The following ZNF638 variants were observed in gnomAD, a reference collection of about 807,000 sequenced individuals.
The protein encoded by ZNF638 is CTCL tumor antigen se33-1.
A neutral mutation model predicts 195.6 loss-of-function variants in ZNF638; 46 were observed. That is an observed-to-expected ratio of 0.24 (90% confidence interval 0.19 to 0.30). The LOEUF (loss-of-function observed/expected upper bound fraction) is 0.30. Ranked by LOEUF, ZNF638 falls within the 10% of genes least tolerant of loss-of-function variation. The pLI, the probability that ZNF638 is intolerant of heterozygous loss-of-function variation, is 1.00. For synonymous variants in ZNF638, 845 were observed against 772.0 expected (o/e 1.09, Z -1.57); for missense variants, 2,440 against 2,325.3 (o/e 1.05, Z -1.01).
rs2079281630 is a variant in ZNF638, at chr2:71,370,089, T to G, written c.2265+84T>G. Reference sequence around the variant, plus strand: ...TTTAAGTATGGCACACATATAGAAATAGGCATAGAAACATAAATGTTAGCT... The same window carrying G: ...TTTAAGTATGGCACACATATAGAAAGAGGCATAGAAACATAAATGTTAGCT... On this transcript the variant is annotated intron_variant, in intron 8 of 27. Coordinates refer to ENST00000264447, the MANE Select transcript of ZNF638 (RefSeq NM_014497.5). 5.6e-6 allele frequency: 8 copies of G among 1,417,274 alleles called. No individual in the cohort carries two copies. In the African/African-American group the frequency reaches 1.2e-4, roughly 21 times the overall value. The allele number at this position is 1,417,274 out of a possible 1,614,324, so 87.8% of individuals were successfully genotyped here.
intron 3 of ZNF638, among the ~76,000 whole-genome samples, chr2:71,359,132 C>T (rs749860777): frequency 3.3e-5 from 5 of 151,948 alleles, no homozygotes; most frequent in East Asian, 3.9e-4. Flanking sequence ...GCCTATGTAT[C>T]GATATATGAC....
chr2:71,408,347 G>T, intron 20 of ZNF638, 100 bp downstream of exon 20: 2 of 1,355,122 alleles, frequency 1.5e-6, no homozygotes, highest in Non-Finnish European at 2.0e-6. Context: ...GTTTAGAGAT[G>T]ATTTTTATAA....
At chr2:71,390,917 C>T (rs1037539574) in intron 10 of ZNF638, among the ~76,000 whole-genome samples, 1 of 152,132 alleles carries the variant, frequency 6.6e-6, no homozygotes, top group Non-Finnish European at 1.5e-5. Flanking sequence ...CCTTTGGGGA[C>T]GGGACCGATT....
Position 71,350,285 on chromosome 2 carries a change from A to G in ZNF638, c.1317+14A>G. On this transcript the variant is annotated intron_variant, in intron 2 of 27. Transcript: ENST00000264447. ...AGTCATTTGAAGGTGAGTGTTTTTA[A>G]AAAAAGATCACTGTATAATGATGCT... 6.3e-7 allele frequency: 1 copy of G among 1,594,234 alleles called. No homozygotes were observed. The highest frequency in any genetic ancestry group is 8.5e-7 in the Non-Finnish European group (1 of 1,176,430).
intron 19 of ZNF638, chr2:71,407,273 T>C (rs1324915309): frequency 6.6e-6 from 1 of 152,168 alleles, no homozygotes; most frequent in Non-Finnish European, 1.5e-5. Flanking sequence ...TGATAAATAG[T>C]GTGACATAGA....
Position 71,423,042 on chromosome 2 carries a change from A to G in ZNF638, c.3528A>G (p.Glu1176=), listed in dbSNP as rs766585733. ...ELETQGEEVK[E]EIPLVASASV... ...AAACTCAAGGAGAGGAGGTCAAAGA[A>G]GAAATTCCTCTTGTAGCATCCGCTT... The change falls in exon 22 of 28, where the codon GAA becomes GAG. Residue 1176 remains glutamate, a synonymous_variant. Transcript: ENST00000264447. 1 of 1,614,190 alleles carries G rather than the reference A, an allele frequency of 6.2e-7. No individual in the cohort carries two copies. Among genetic ancestry groups the G allele is most frequent in the Non-Finnish European group, 8.5e-7 (1 of 1,180,004 alleles).
rs2078898356 is a variant in ZNF638 at position 71,348,946 on chromosome 2, A to G, written c.-9A>G. ...TACTTTATTAAATCAGGCTTTCTTGAAAATAGCCATGTCGAGACCCAGGTT... is the reference window on the plus strand; with the variant it reads ...TACTTTATTAAATCAGGCTTTCTTGGAAATAGCCATGTCGAGACCCAGGTT... On this transcript the variant is annotated 5_prime_UTR_variant, in exon 2 of 28. Coordinates refer to ENST00000264447, the MANE Select transcript of ZNF638 (RefSeq NM_014497.5). The G allele has an allele frequency of 6.2e-7, 1 of 1,614,146 alleles. No individual in the cohort carries two copies. The highest frequency in any genetic ancestry group is 8.5e-7 in the Non-Finnish European group (1 of 1,180,014).
At chr2:71,403,780 G>C (rs1444043410) in intron 16 of ZNF638, 90 bp from the exon 17 acceptor site, 2 of 892,952 alleles carry the variant, frequency 2.2e-6, no homozygotes, top group South Asian at 4.6e-5. Flanking sequence ...TCCACTTGAC[G>C]TTTGAAGTAG....
rs773197512 is a variant in ZNF638 at position 71,349,120 on chromosome 2, G to C, written c.166G>C (p.Ala56Pro). The stretch of plus-strand genomic sequence containing the variant: ...AGCACGTGGAATTCCACACAGATTT[G>C]CTGGCCATGAATCTTATCAGAACAT... ...GRARGIPHRFAGHESYQNMGP... is the reference protein window; with the variant it reads ...GRARGIPHRFPGHESYQNMGP... The change falls in exon 2 of 28, where the codon GCT (alanine) becomes CCT (proline). Residue 56 changes from alanine (A) to proline (P), a missense_variant. Around this residue, in one of 5 missense-constraint regions of ZNF638, gnomAD observed 191 missense variants for 173.8 expected, o/e 1.10. Transcript: ENST00000264447. 1 of 1,614,122 alleles carries C rather than the reference G, an allele frequency of 6.2e-7. No individual in the cohort carries two copies. Among genetic ancestry groups the C allele is most frequent in the Non-Finnish European group, 8.5e-7 (1 of 1,180,012 alleles).
intron 1 of ZNF638, among the ~76,000 whole-genome samples, chr2:71,332,523 G>A (rs552428436): frequency 5.9e-5 from 9 of 152,232 alleles, no homozygotes; most frequent in Non-Finnish European, 7.3e-5. Context: ...TATCACCTCT[G>A]TGGGAGACTG....
At chr2:71,381,212 A>T (rs1211096197) in intron 10 of ZNF638, among the ~76,000 whole-genome samples, 1 of 152,138 alleles carries the variant, frequency 6.6e-6, no homozygotes, top group African/African-American at 2.4e-5. Context: ...AAGCTAAAAT[A>T]AGGCAGAGAC....
At chr2:71,401,877 A>G in intron 15 of ZNF638, 79 bp from the exon 16 acceptor site, 1 of 1,243,604 alleles carries the variant, frequency 8.0e-7, no homozygotes, top group Non-Finnish European at 1.1e-6. Context: ...ATACTAATAT[A>G]ACATGATACA....
chr2:71,333,454 T>C (rs1247567005), intron 1 of ZNF638, among the ~76,000 whole-genome samples: 1 of 152,222 alleles, frequency 6.6e-6, no homozygotes, highest in East Asian at 1.9e-4. Context: ...TGTATTTGTT[T>C]TGTAATCCTT....
intron 3 of ZNF638, among the ~76,000 whole-genome samples, chr2:71,357,727 T>C (rs1339755090): frequency 6.6e-6 from 1 of 152,230 alleles, no homozygotes; most frequent in African/African-American, 2.4e-5. Context: ...CCATGCCTGC[T>C]ACTTTAATGT....
rs147599207 is a variant in ZNF638 at position 71,406,493 on chromosome 2, G to C, written c.3135+231G>C. Among the ~76,000 whole-genome samples, 708 of 152,124 alleles carry C rather than the reference G, an allele frequency of 4.7e-3. 4 individuals are homozygous for C. Among genetic ancestry groups the C allele is most frequent in the African/African-American group, 0.016 (673 of 41,518 alleles). ...AAGGAAAAATAAGACTTACGCAAGG[G>C]GGAAAGGTAATATAGTGTAGACAGC... On this transcript the variant is annotated intron_variant, in intron 19 of 27. Coordinates refer to ENST00000264447, the MANE Select transcript of ZNF638 (RefSeq NM_014497.5).
At position 71,405,586 on chromosome 2, in the gene ZNF638, A is replaced by C; in HGVS notation, c.2959-15A>C. 1.3e-6 allele frequency: 2 copies of C among 1,535,500 alleles called. No homozygotes were observed. The highest frequency in any genetic ancestry group is 1.8e-6 in the Non-Finnish European group (2 of 1,127,364). Reference sequence around the variant, plus strand: ...GAGCTTATACCATCAACCTTTATCTATTTTTGCTTTTTAGGAAGCTATATT... The same window carrying C: ...GAGCTTATACCATCAACCTTTATCTCTTTTTGCTTTTTAGGAAGCTATATT... On this transcript the variant is annotated splice_polypyrimidine_tract_variant and intron_variant, in intron 17 of 27. Transcript: ENST00000264447.
At chr2:71,344,609 A>G (rs1199662381) in intron 1 of ZNF638, among the ~76,000 whole-genome samples, 1 of 152,186 alleles carries the variant, frequency 6.6e-6, no homozygotes, top group Non-Finnish European at 1.5e-5. Flanking sequence ...AACTTTCTCA[A>G]AATTTCTTGG....
chr2:71,364,943 T>G (rs886515065), intron 5 of ZNF638, among the ~76,000 whole-genome samples: 2 of 152,198 alleles, frequency 1.3e-5, no homozygotes, highest in Non-Finnish European at 2.9e-5. Context: ...GAATTTAGGT[T>G]CTTCTTTTAA....
intron 24 of ZNF638, 122 bp from the exon 25 acceptor site, chr2:71,428,425 C>A (rs2080584238): frequency 1.5e-6 from 1 of 649,108 alleles, no homozygotes; most frequent in Non-Finnish European, 2.6e-6. Context: ...GTAGGCTTCC[C>A]TCCCAAATTT....
Sources: gnomAD v4.1 joint callset for allele counts (sites outside exome capture counted in the v4.1 genomes callset) on GRCh38, gnomAD v4.1.1 for gene constraint, gnomAD v4.1.1 regional missense constraint, MANE v1.5 for transcripts, NCBI Gene and HGNC (gene_info 2026-07-23, HGNC 2026-07-21) for gene names.